NR3C2: variants seen among roughly 807,000 people sequenced by gnomAD.
NR3C2 encodes the protein nuclear receptor subfamily 3 group C member 2.
A neutral mutation model predicts 86.4 loss-of-function variants in NR3C2; 15 were observed. That is an observed-to-expected ratio of 0.17 (90% CI 0.12 to 0.27). The LOEUF (loss-of-function observed/expected upper bound fraction) is 0.27, where lower values mean the gene tolerates loss of function less well. Among genes scored for constraint, NR3C2 ranks in the 10% least tolerant of loss-of-function variants. The pLI is 1.00. For synonymous variants in NR3C2, 458 were observed against 450.5 expected, an observed-to-expected ratio of 1.02 and a Z score of -0.21; for missense variants, 960 against 1,195.6, an observed-to-expected ratio of 0.80 and a Z score of 2.91.
chr4:148,090,333 C>T (rs1731004639), intron 8 of NR3C2, among the ~76,000 whole-genome samples: 1 of 152,210 alleles, frequency 6.6e-6, no homozygotes, highest in South Asian at 2.1e-4. Flanking sequence ...CTGAAGGTCG[C>T]ATGGCCATTG....
chr4:148,186,268 G>C (rs1346320452), intron 4 of NR3C2, among the ~76,000 whole-genome samples: 2 of 151,812 alleles, frequency 1.3e-5, no homozygotes, highest in African/African-American at 4.8e-5. Context: ...TCTTTTATCT[G>C]CAATTGTTCT....
intron 8 of NR3C2, 120 bp downstream of exon 8, chr4:148,113,984 T>C: frequency 8.5e-7 from 1 of 1,176,472 alleles, no homozygotes; most frequent in African/African-American, 1.5e-5. Context: ...ATATCCTTAA[T>C]GGAGTCAACA....
chr4:148,214,794 G>A (rs913941914), intron 3 of NR3C2, among the ~76,000 whole-genome samples: 3 of 152,218 alleles, frequency 2.0e-5, no homozygotes, highest in Admixed American at 6.5e-5. Flanking sequence ...ACTACTTCAG[G>A]AGAGGCTGGA....
intron 2 of NR3C2, among the ~76,000 whole-genome samples, chr4:148,307,854 AC>A (rs1308642421): frequency 6.6e-6 from 1 of 150,764 alleles, no homozygotes; most frequent in Non-Finnish European, 1.5e-5. Context: ...ATTAAAAAAA[AC>A]AAAACAAAAC....
intron 2 of NR3C2, among the ~76,000 whole-genome samples, chr4:148,273,148 G>A (rs1399997011): frequency 6.6e-6 from 1 of 152,148 alleles, no homozygotes; most frequent in Non-Finnish European, 1.5e-5. Context: ...AAGTCAGATG[G>A]ATGAAATCTC....
intron 4 of NR3C2, among the ~76,000 whole-genome samples, chr4:148,163,729 G>C (rs1578959891): frequency 6.6e-6 from 1 of 152,020 alleles, no homozygotes; most frequent in Non-Finnish European, 1.5e-5. Flanking sequence ...AAATAGTAAA[G>C]AGCTACATTA....
intron 3 of NR3C2, among the ~76,000 whole-genome samples, chr4:148,203,158 C>T (rs1736815531): frequency 6.6e-6 from 1 of 152,040 alleles, no homozygotes; most frequent in Admixed American, 6.6e-5. Flanking sequence ...TATGCCAGAG[C>T]CATTAATAAA....
At chr4:148,375,292 C>G (rs972001289) in intron 2 of NR3C2, among the ~76,000 whole-genome samples, 1 of 151,962 alleles carries the variant, frequency 6.6e-6, no homozygotes, top group Admixed American at 6.6e-5. Context: ...CCCATCTCTA[C>G]TAAAAATACA....
intron 4 of NR3C2, among the ~76,000 whole-genome samples, chr4:148,164,825 T>G (rs541178300): frequency 4.1e-4 from 62 of 152,192 alleles, no homozygotes; most frequent in Non-Finnish European, 7.8e-4. Context: ...CAAAAGGCAG[T>G]GACCTGGAAA....
chr4:148,428,046 A>G (rs80144701), intron 2 of NR3C2, among the ~76,000 whole-genome samples: 2,127 of 152,346 alleles, frequency 0.014, 25 homozygotes, highest in South Asian at 0.035. Context: ...TAGCAAAAGG[A>G]AAAGAGTAAC....
intron 4 of NR3C2, among the ~76,000 whole-genome samples, chr4:148,167,333 A>G (rs927148613): frequency 6.6e-5 from 10 of 152,202 alleles, no homozygotes; most frequent in African/African-American, 1.2e-4. Context: ...TAAGTCATGT[A>G]CTATGTAAAA....
intron 2 of NR3C2, among the ~76,000 whole-genome samples, chr4:148,359,225 A>C (rs1745719262): frequency 6.6e-6 from 1 of 152,050 alleles, no homozygotes; most frequent in Non-Finnish European, 1.5e-5. Context: ...CCAACATTTG[A>C]CCAAATGTGT....
At position 148,152,489 on chromosome 4, in the gene NR3C2, T is replaced by G; in HGVS notation, c.2490A>C (p.Ala830=). 2 of 1,614,044 alleles carry G rather than the reference T, an allele frequency of 1.2e-6. No homozygotes were observed. Among genetic ancestry groups the G allele is most frequent in the Non-Finnish European group, 8.5e-7 (1 of 1,179,930 alleles). ...CTTACTCATTAAAGACTAGGTCTGGTGCAAAATAGAGAAATTGGCTGTTCG... is the reference window on the plus strand; with the variant it reads ...CTTACTCATTAAAGACTAGGTCTGGGGCAAAATAGAGAAATTGGCTGTTCG... ...KHTNSQFLYF[A]PDLVFNEEKM... The change falls in exon 6 of 9, where the codon GCA becomes GCC. Residue 830 remains alanine, a synonymous_variant. Coordinates refer to ENST00000358102, the MANE Select transcript of NR3C2 (RefSeq NM_000901.5).
At chr4:148,107,720 A>G (rs1035679462) in intron 8 of NR3C2, among the ~76,000 whole-genome samples, 4 of 152,242 alleles carry the variant, frequency 2.6e-5, no homozygotes, top group Non-Finnish European at 5.9e-5. Context: ...GCTGGAAGCC[A>G]TCATTCTCAG....
chr4:148,094,265 T>C (rs1420258584), intron 8 of NR3C2, among the ~76,000 whole-genome samples: 2 of 152,222 alleles, frequency 1.3e-5, no homozygotes, highest in African/African-American at 4.8e-5. Flanking sequence ...AACATTTGCA[T>C]GTCACTGGTG....
chr4:148,344,113 T>C (rs1044224670), intron 2 of NR3C2, among the ~76,000 whole-genome samples: 1 of 152,204 alleles, frequency 6.6e-6, no homozygotes, highest in Non-Finnish European at 1.5e-5. Context: ...ATTCGTCTTT[T>C]TAGGACTGAC....
rs943209139 is a variant in NR3C2, at chr4:148,389,969, T to C, written c.1757+45135A>G. 3.3e-5 allele frequency among the ~76,000 whole-genome samples: 5 copies of C among 152,078 alleles called. No homozygotes were observed. In the East Asian group the frequency reaches 9.6e-4, roughly 29 times the overall value. On this transcript the variant is annotated intron_variant, in intron 2 of 8. Transcript: ENST00000358102. ...TCATTACCTTTTATATACACAAATT[T>C]AAGAGCGTGTAATACAATCGTTCAA...
At chr4:148,374,681 T>C (rs1746586890) in intron 2 of NR3C2, among the ~76,000 whole-genome samples, 1 of 152,194 alleles carries the variant, frequency 6.6e-6, no homozygotes, top group Non-Finnish European at 1.5e-5. Flanking sequence ...AGCCAATATT[T>C]TACCCAAGTT....
intron 3 of NR3C2, among the ~76,000 whole-genome samples, chr4:148,252,338 A>C (rs1251953949): frequency 6.6e-6 from 1 of 152,152 alleles, no homozygotes; most frequent in African/African-American, 2.4e-5. Context: ...ACCTTTCCAA[A>C]CTCATGAAAC....
Sources: allele counts gnomAD v4.1 joint callset (sites outside exome capture counted in the v4.1 genomes callset), GRCh38; gene constraint gnomAD v4.1.1; transcripts MANE v1.5; gene names NCBI Gene and HGNC (gene_info 2026-07-23, HGNC 2026-07-21).